The following ACTN3 variants were observed in gnomAD, a reference collection of about 807,000 sequenced individuals.
ACTN3 encodes the protein actinin alpha 3.
Under a neutral mutation model 119.6 loss-of-function variants are expected in ACTN3, and 91 were observed. That is an observed-to-expected ratio of 0.76 (90% CI 0.64 to 0.91). ACTN3 has a LOEUF of 0.91. Among genes scored for constraint, ACTN3 ranks in the 40% least tolerant of loss-of-function variants. The pLI, the probability that ACTN3 is intolerant of heterozygous loss-of-function variation, is 0.00. For missense variants in ACTN3, 1,221 were observed against 1,215.1 expected (o/e 1.00, Z -0.07); for synonymous variants, 456 against 478.8 (o/e 0.95, Z 0.62).
rs965832332 is a variant in ACTN3, at chr11:66,558,113, A to C, written c.1215A>C (p.Arg405=). 1.1e-5 allele frequency: 17 copies of C among 1,613,486 alleles called. No homozygotes were observed. Among genetic ancestry groups the C allele is most frequent in the Non-Finnish European group, 1.3e-5 (15 of 1,179,810 alleles). The stretch of plus-strand genomic sequence containing the variant: ...TCTCGGAGATCCGGCGCCTGCAGCG[A>C]CTCCAGCACCTGGCTGAGAAGTTCC... ...WLLSEIRRLQ[R]LQHLAEKFRQ... is the part of the protein sequence containing the mutation. Residue 405 remains arginine, a synonymous_variant, in exon 11 of 21, where the codon CGA becomes CGC. Coordinates refer to ENST00000513398, the MANE Select transcript of ACTN3 (RefSeq NM_001104.4).
intron 19 of ACTN3, 119 bp downstream of exon 19, chr11:66,562,441 A>C: frequency 8.3e-7 from 1 of 1,198,456 alleles, no homozygotes; most frequent in Non-Finnish European, 1.2e-6. Flanking sequence ...CTACATCCAC[A>C]CAGGGGCTAG....
At chr11:66,554,456 CAAAA>C (rs574346914) in intron 4 of ACTN3, 76 bp from the exon 5 acceptor site, 1,165 of 847,790 alleles carry the variant, frequency 1.4e-3, no homozygotes, top group South Asian at 2.5e-3. Context: ...GACCCTGTCT[CAAAA>C]AAAAAAAAAA....
rs1282534542 is a variant in ACTN3 at position 66,557,809 on chromosome 11, G to A, written c.1008G>A (p.Leu336=). ...AGGACTTTCGGGACTACCGGCGTCTGCACAAGCCGCCCCGCATTCAGGAAA... is the reference window on the plus strand; with the variant it reads ...AGGACTTTCGGGACTACCGGCGTCTACACAAGCCGCCCCGCATTCAGGAAA... The part of the protein sequence containing the change: ...KLEDFRDYRR[L]HKPPRIQEKC... The change falls in exon 10 of 21, where the codon CTG becomes CTA. Residue 336 remains leucine (L), a synonymous_variant. Coordinates refer to ENST00000513398, the MANE Select transcript of ACTN3 (RefSeq NM_001104.4). 3 of 1,613,900 alleles carry A rather than the reference G, an allele frequency of 1.9e-6. No individual in the cohort carries two copies. The highest frequency in any genetic ancestry group is 2.5e-6 in the Non-Finnish European group (3 of 1,179,962).
chr11:66,555,247 G>T (rs1371093010), intron 6 of ACTN3, 39 bp downstream of exon 6: 1 of 1,613,896 alleles, frequency 6.2e-7, no homozygotes, highest in South Asian at 1.1e-5. Context: ...GCCTCTGCCT[G>T]CAGCTGACCT....
At chr11:66,551,431 T>C in intron 2 of ACTN3, 78 bp downstream of exon 2, 1 of 1,564,302 alleles carries the variant, frequency 6.4e-7, no homozygotes, top group Non-Finnish European at 8.7e-7. Flanking sequence ...GGTGGCGGAG[T>C]GTTGGACGGG....
chr11:66,546,589 C>G, upstream of ACTN3: 1 of 1,535,638 alleles, frequency 6.5e-7, no homozygotes, highest in Non-Finnish European at 8.7e-7. Context: ...GCCTCTAGAG[C>G]GGCCCGCGGC....
chr11:66,558,091 C>A lies in ACTN3; in HGVS notation c.1193C>A (p.Ser398Ter). Residue 398 changes from serine to a stop codon, truncating the protein, a stop_gained, in exon 11 of 21, where the codon TCG becomes TAG. Transcript: ENST00000513398. LOFTEE classifies it high-confidence loss of function. Reference sequence around the variant, plus strand: ...AAGGGCTATGAGGACTGGCTGCTCTCGGAGATCCGGCGCCTGCAGCGACTC... The same window carrying A: ...AAGGGCTATGAGGACTGGCTGCTCTAGGAGATCCGGCGCCTGCAGCGACTC... ...VEKGYEDWLL[S>*]EIRRLQRLQH... 2 of 1,613,756 alleles carry A rather than the reference C, an allele frequency of 1.2e-6. No homozygotes were observed. The highest frequency in any genetic ancestry group is 1.7e-6 in the Non-Finnish European group (2 of 1,179,856).
intron 1 of ACTN3, 115 bp downstream of exon 1, chr11:66,547,199 C>A (rs1451992568): frequency 1.6e-6 from 2 of 1,251,142 alleles, no homozygotes; most frequent in East Asian, 5.9e-5. Context: ...GAGTGCTAAT[C>A]CCCAGCCCAG....
upstream of ACTN3, chr11:66,546,821 C>T (rs565611440): frequency 2.6e-6 from 4 of 1,528,116 alleles, no homozygotes; most frequent in African/African-American, 4.1e-5. Flanking sequence ...CATCCGGCCC[C>T]TCCCTCCTCC....
At chr11:66,548,065 CTGTA>C (rs1258292343) in intron 1 of ACTN3, among the ~76,000 whole-genome samples, 1 of 152,180 alleles carries the variant, frequency 6.6e-6, no homozygotes, top group Non-Finnish European at 1.5e-5. Flanking sequence ...TGTGCCAACA[CTGTA>C]TGACTCCAGG....
At chr11:66,562,479 G>T in intron 19 of ACTN3, 157 bp downstream of exon 19, 1 of 390,378 alleles carries the variant, frequency 2.6e-6, no homozygotes, top group Non-Finnish European at 3.5e-6. Flanking sequence ...AAACTCACTT[G>T]GACCCAGTTC....
At chr11:66,555,430 C>T in intron 7 of ACTN3, 63 bp downstream of exon 7, 1 of 1,526,662 alleles carries the variant, frequency 6.6e-7, no homozygotes, top group Non-Finnish European at 9.1e-7. Context: ...GTACAACCTC[C>T]ACACCTTTGC....
rs1219977687 is a variant in ACTN3 at position 66,560,616 on chromosome 11, A to G, written c.1721A>G (p.Glu574Gly). Residue 574 changes from glutamate (E) to glycine (G), a missense_variant, in exon 15 of 21, where the codon GAG (glutamate) becomes GGG (glycine). Transcript: ENST00000513398. ...AHDQFKATLPEADRERGAIMG... is the reference protein window; with the variant it reads ...AHDQFKATLPGADRERGAIMG... ...GATCAGTTCAAGGCAACACTGCCCG[A>G]GGCTGACCGAGAGCGAGGTGCCATC... 6.2e-7 allele frequency: 1 copy of G among 1,613,700 alleles called. No individual in the cohort carries two copies. The highest frequency in any genetic ancestry group is 8.5e-7 in the Non-Finnish European group (1 of 1,179,874).
intron 3 of ACTN3, among the ~76,000 whole-genome samples, chr11:66,553,441 G>A (rs1857518644): frequency 1.3e-5 from 2 of 151,838 alleles, no homozygotes; most frequent in South Asian, 4.2e-4. Flanking sequence ...TGTAGTCCCC[G>A]CTATTAGGGA....
chr11:66,554,723 T>C, intron 5 of ACTN3, 100 bp downstream of exon 5: 1 of 990,534 alleles, frequency 1.0e-6, no homozygotes. Context: ...CTGGTCTCTG[T>C]CACAAGCCAC....
rs542673314 is a variant in ACTN3 at position 66,563,329 on chromosome 11, T to C, written c.*136T>C. 8.6e-5 allele frequency: 97 copies of C among 1,126,784 alleles called. No individual in the cohort carries two copies. In the African/African-American group the frequency reaches 1.3e-3, roughly 15 times the overall value. The allele number at this position is 1,126,784 out of a possible 1,614,324, so 69.8% of individuals were successfully genotyped here. ...GAATAAAGATCCCTCTCTGGGTCTC[T>C]CCCCATCTCCTTTTAGTTCCTGAAG... On this transcript the variant is annotated 3_prime_UTR_variant, in exon 21 of 21. Transcript: ENST00000513398.
intron 19 of ACTN3, 104 bp from the exon 20 acceptor site, chr11:66,562,692 C>A: frequency 7.6e-7 from 1 of 1,309,324 alleles, no homozygotes; most frequent in Non-Finnish European, 1.1e-6. Context: ...TCCCTTGTTA[C>A]TGGGGCTCTG....
At chr11:66,561,898 T>A in intron 17 of ACTN3, 124 bp from the exon 18 acceptor site, 1 of 1,190,944 alleles carries the variant, frequency 8.4e-7, no homozygotes. Flanking sequence ...AGCCTCCAGA[T>A]GGGGATGGAG....
At chr11:66,561,896 G>A in intron 17 of ACTN3, 126 bp from the exon 18 acceptor site, 1 of 1,200,782 alleles carries the variant, frequency 8.3e-7, no homozygotes. Context: ...GGAGCCTCCA[G>A]ATGGGGATGG....
Sources: gnomAD v4.1 joint callset for allele counts (sites outside exome capture counted in the v4.1 genomes callset) on GRCh38, gnomAD v4.1.1 for gene constraint, MANE v1.5 for transcripts, NCBI Gene and HGNC (gene_info 2026-07-23, HGNC 2026-07-21) for gene names.